WWC2: variants seen among roughly 807,000 people sequenced by gnomAD.
WWC2 encodes WW and C2 domain containing 2.
A neutral mutation model predicts 138.5 loss-of-function variants in WWC2; 101 were observed. The observed-to-expected ratio is 0.73, with a 90% CI of 0.62 to 0.86. The LOEUF (loss-of-function observed/expected upper bound fraction) is 0.86. Among genes scored for constraint, WWC2 ranks in the 40% least tolerant of loss-of-function variants. The pLI is 0.00. For synonymous variants in WWC2, 558 were observed against 538.4 expected (o/e 1.04, Z -0.50); for missense variants, 1,420 against 1,419.4 (o/e 1.00, Z -0.01).
intron 2 of WWC2, among the ~76,000 whole-genome samples, chr4:183,202,357 C>T (rs557067508): frequency 1.8e-4 from 28 of 152,116 alleles, no homozygotes; most frequent in Non-Finnish European, 3.4e-4. Context: ...GGGGCAGTCT[C>T]TTCCCAGACA....
intron 2 of WWC2, among the ~76,000 whole-genome samples, chr4:183,205,849 G>A (rs1334348382): frequency 6.6e-6 from 1 of 152,082 alleles, no homozygotes; most frequent in African/African-American, 2.4e-5. Flanking sequence ...TGTGAGCTCG[G>A]GGAATTTATC....
At chr4:183,220,905 TTTAG>T (rs991809490) in intron 4 of WWC2, among the ~76,000 whole-genome samples, 7 of 148,526 alleles carry the variant, frequency 4.7e-5, no homozygotes, top group Admixed American at 4.7e-4. Flanking sequence ...TTAGAAAAAA[TTTAG>T]TTAACCCAAA....
rs1283285049 is a variant in WWC2, at chr4:183,289,550, T to A, written c.3299T>A (p.Leu1100Gln). ...LRDLRQKLEE[L>Q]KAQGETDLPP... ...GACTTGCGGCAGAAGCTGGAGGAACTGAAAGCTCAGGGAGAGACTGACCTT... is the reference window on the plus strand; with the variant it reads ...GACTTGCGGCAGAAGCTGGAGGAACAGAAAGCTCAGGGAGAGACTGACCTT... Residue 1100 changes from leucine to glutamine, a missense_variant, in exon 21 of 23, where the codon CTG (leucine) becomes CAG (glutamine). Coordinates refer to ENST00000403733, the MANE Select transcript of WWC2 (RefSeq NM_024949.6). 1 of 1,613,914 alleles carries A rather than the reference T, an allele frequency of 6.2e-7. No individual in the cohort carries two copies. Among genetic ancestry groups the A allele is most frequent in the Non-Finnish European group, 8.5e-7 (1 of 1,179,878 alleles).
chr4:183,292,804 A>T (rs747470912), intron 21 of WWC2, among the ~76,000 whole-genome samples: 3 of 152,214 alleles, frequency 2.0e-5, no homozygotes, highest in South Asian at 2.1e-4. Flanking sequence ...TAAAGATTCT[A>T]TCAAAAGGAA....
intron 1 of WWC2, among the ~76,000 whole-genome samples, chr4:183,174,795 CTT>C (rs1734409311): frequency 1.3e-5 from 2 of 151,830 alleles, no homozygotes; most frequent in African/African-American, 4.8e-5. Context: ...TCTCCTTCTC[CTT>C]TCTCTCTCTC....
At chr4:183,276,376 C>A (rs1737855563) in intron 16 of WWC2, among the ~76,000 whole-genome samples, 1 of 151,566 alleles carries the variant, frequency 6.6e-6, no homozygotes, top group Non-Finnish European at 1.5e-5. Context: ...TCTTTTAATT[C>A]CATCTTTATT....
chr4:183,113,519 C>T (rs998497645), intron 1 of WWC2, among the ~76,000 whole-genome samples: 106 of 142,590 alleles, frequency 7.4e-4, no homozygotes, highest in African/African-American at 2.7e-3. Flanking sequence ...TGTGTGTGCG[C>T]GCGCGTGCGC....
At position 183,312,442 on chromosome 4, in the gene WWC2, G is replaced by A. The variant is rs968204349; in HGVS notation, c.3486G>A (p.Lys1162=). ...DVCRLREQSQ[K]VPRQVQSFRE... ...GTCGGCTCCGGGAGCAGAGCCAGAA[G>A]GTGCCTCGGCAGGTGCAGTCCTTCA... Residue 1162 remains lysine (K), a synonymous_variant, in exon 22 of 23, where the codon AAG becomes AAA. Transcript: ENST00000403733. 1 of 1,613,856 alleles carries A rather than the reference G, an allele frequency of 6.2e-7. No individual in the cohort carries two copies. The highest frequency in any genetic ancestry group is 1.1e-5 in the South Asian group (1 of 91,078).
chr4:183,312,457 G>A lies in WWC2; in HGVS notation c.3501G>A (p.Val1167=), dbSNP rs1469680678. The A allele has an allele frequency of 1.9e-6, 3 of 1,613,566 alleles. No individual in the cohort carries two copies. The highest frequency in any genetic ancestry group is 1.3e-5 in the African/African-American group (1 of 74,938). Residue 1167 remains valine, a synonymous_variant, in exon 22 of 23, where the codon GTG becomes GTA. Transcript: ENST00000403733. ...REQSQKVPRQ[V]QSFREKIAYF... is the part of the protein sequence containing the mutation. ...AGAGCCAGAAGGTGCCTCGGCAGGT[G>A]CAGTCCTTCAGGTGAATAGCCCCAT... is the stretch of plus-strand genomic sequence containing the variant.
intron 5 of WWC2, among the ~76,000 whole-genome samples, chr4:183,242,169 A>G (rs1196158009): frequency 1.3e-5 from 2 of 152,202 alleles, no homozygotes; most frequent in Admixed American, 6.5e-5. Flanking sequence ...GTTCTTATTC[A>G]AATGTTAACC....
At chr4:183,159,517 A>G (rs899497079) in intron 1 of WWC2, among the ~76,000 whole-genome samples, 2 of 151,952 alleles carry the variant, frequency 1.3e-5, no homozygotes, top group Non-Finnish European at 2.9e-5. Flanking sequence ...TGATACTCCC[A>G]CCTCAGCCTC....
In WWC2 at chr4:183,320,395, G is replaced by A; in HGVS notation, c.*4666G>A. ...TCCATGTTGAATGGGTTTCACAAAA[G>A]GATAGGGAAATAATGCCGCCAACCA... On this transcript the variant is annotated 3_prime_UTR_variant, in exon 23 of 23. Transcript: ENST00000403733. 1.5e-6 allele frequency: 1 copy of A among 665,752 alleles called. No homozygotes were observed. Among genetic ancestry groups the A allele is most frequent in the Non-Finnish European group, 2.6e-6 (1 of 390,808 alleles). The allele number at this position is 665,752 out of a possible 1,614,324, so 41.2% of individuals were successfully genotyped here. A position where few individuals can be genotyped will look rare whatever the true frequency, so the allele number is the denominator to read the frequency against.
At chr4:183,240,810 C>G (rs1736593938) in intron 5 of WWC2, among the ~76,000 whole-genome samples, 1 of 152,220 alleles carries the variant, frequency 6.6e-6, no homozygotes, top group Admixed American at 6.5e-5. Flanking sequence ...CCTGGTTCCT[C>G]TACCTTTCCC....
At chr4:183,157,853 C>CT (rs975798890) in intron 1 of WWC2, among the ~76,000 whole-genome samples, 4 of 149,576 alleles carry the variant, frequency 2.7e-5, no homozygotes, top group African/African-American at 9.9e-5. Context: ...CCCTTTTCTT[C>CT]TTTTCTCTTT....
intron 1 of WWC2, among the ~76,000 whole-genome samples, chr4:183,186,223 C>T (rs1580028839): frequency 6.6e-6 from 1 of 152,262 alleles, no homozygotes; most frequent in Middle Eastern, 3.4e-3. Flanking sequence ...GGATTATAGG[C>T]GTAATCCACT....
intron 2 of WWC2, among the ~76,000 whole-genome samples, chr4:183,198,356 A>G (rs1359256075): frequency 6.6e-6 from 1 of 152,102 alleles, no homozygotes; most frequent in Non-Finnish European, 1.5e-5. Flanking sequence ...TTTCATATTG[A>G]TACACACATG....
chr4:183,133,446 A>G (rs952986249), intron 1 of WWC2, among the ~76,000 whole-genome samples: 1 of 151,216 alleles, frequency 6.6e-6, no homozygotes, highest in African/African-American at 2.4e-5. Context: ...TTTGTTTTAT[A>G]TCTATGTTCT....
chr4:183,282,505 A>G (rs1738107479), intron 17 of WWC2: 1 of 583,172 alleles, frequency 1.7e-6, no homozygotes, highest in African/African-American at 1.9e-5. Flanking sequence ...GTACCACATT[A>G]TGGTGATTTT....
intron 1 of WWC2, among the ~76,000 whole-genome samples, chr4:183,102,735 C>T (rs910077253): frequency 1.3e-5 from 2 of 152,294 alleles, no homozygotes; most frequent in East Asian, 1.9e-4. Flanking sequence ...TCCCCCTACC[C>T]TGCCTGCATG....
Sources: allele counts gnomAD v4.1 joint callset (sites outside exome capture counted in the v4.1 genomes callset), GRCh38; gene constraint gnomAD v4.1.1; transcripts MANE v1.5; gene names NCBI Gene and HGNC (gene_info 2026-07-23, HGNC 2026-07-21).